The following MYO10 variants were observed in gnomAD, a reference collection of about 807,000 sequenced individuals.
The protein encoded by MYO10 is unconventional myosin-X.
In MYO10, 133 loss-of-function variants were observed where a neutral mutation model predicts 257.3. The observed-to-expected ratio is 0.52, with a 90% CI of 0.45 to 0.60. MYO10 has a LOEUF of 0.60. Ranked by LOEUF, MYO10 falls within the 20% of genes least tolerant of loss-of-function variation. The probability of loss-of-function intolerance (pLI) is 0.00; values close to 1 mark genes in which losing one functional copy is unlikely to be tolerated. For missense variants in MYO10, 2,399 were observed against 2,635.7 expected (o/e 0.91, Z 1.97); for synonymous variants, 1,104 against 1,028.6 (o/e 1.07, Z -1.40).
chr5:16,902,733 C>A lies in MYO10; in HGVS notation c.22-25026G>T. ...GTCAAGCTTGTCTCAAACTCCTGAC[C>A]TCAGGTGATCCACCCGCCTTGGCGT... On this transcript the variant is annotated intron_variant, in intron 1 of 40. Transcript: ENST00000513610. The A allele has an allele frequency of 5.5e-6, 4 of 727,376 alleles. No homozygotes were observed. The South Asian group carries it at 6.2e-5, about 11-fold the overall frequency. The allele number at this position is 727,376 out of a possible 1,614,324, so 45.1% of individuals were successfully genotyped here. A position where few individuals can be genotyped will look rare whatever the true frequency, so the allele number is the denominator to read the frequency against.
In MYO10 at chr5:16,663,161, A is replaced by G. The variant is rs1404989032; in HGVS notation, c.*3531T>C. The stretch of plus-strand genomic sequence containing the variant: ...AAGCTACAACAGTTTGTTTCCATCT[A>G]TTAAAAATGAGGATGGGGATATATA... On this transcript the variant is annotated 3_prime_UTR_variant, in exon 41 of 41. Transcript: ENST00000513610. The G allele has an allele frequency of 6.6e-6, 1 of 152,166 alleles. No individual in the cohort carries two copies. Among genetic ancestry groups the G allele is most frequent in the Non-Finnish European group, 1.5e-5 (1 of 68,032 alleles). 9.4% of individuals were successfully genotyped at this position (152,166 alleles called of 1,614,324 possible).
At chr5:16,827,122 C>T (rs1055841431) in intron 2 of MYO10, among the ~76,000 whole-genome samples, 6 of 152,082 alleles carry the variant, frequency 3.9e-5, no homozygotes, top group Non-Finnish European at 5.9e-5. Flanking sequence ...GGCAAGAAAA[C>T]GTCAAGTCCC....
At position 16,670,699 on chromosome 5, in the gene MYO10, C is replaced by A. The variant is rs773601311; in HGVS notation, c.5710G>T (p.Glu1904Ter). 6.2e-7 allele frequency: 1 copy of A among 1,613,924 alleles called. No homozygotes were observed. Among genetic ancestry groups the A allele is most frequent in the East Asian group, 2.2e-5 (1 of 44,898 alleles). The change falls in exon 39 of 41, where the codon GAG becomes TAG. Residue 1904 changes from glutamate to a stop codon, truncating the protein, a stop_gained. Transcript: ENST00000513610. LOFTEE classifies it high-confidence loss of function. ...CACATGTCCAGCATCTGCTCCTCCT[C>A]GACCTTCTGCCGGACCACGGATCCT... ...RTGSVVRQKV[E>*]EEQMLDMWIK... is the part of the protein sequence containing the mutation.
At chr5:16,828,745 T>A (rs749175759) in intron 2 of MYO10, among the ~76,000 whole-genome samples, 3 of 151,934 alleles carry the variant, frequency 2.0e-5, no homozygotes, top group African/African-American at 2.4e-5. Context: ...TTTGTTTTGT[T>A]TTGTTTTGAG....
chr5:16,842,452 T>A (rs1003443884), intron 2 of MYO10, among the ~76,000 whole-genome samples: 2 of 152,130 alleles, frequency 1.3e-5, no homozygotes, highest in African/African-American at 4.8e-5. Flanking sequence ...GGAAGTCATA[T>A]CCTCACCAGC....
In MYO10 at chr5:16,936,117, G is replaced by A; in HGVS notation, c.-309C>T. The A allele has an allele frequency of 2.4e-6, 1 of 413,502 alleles. No individual in the cohort carries two copies. Among genetic ancestry groups the A allele is most frequent in the African/African-American group, 2.1e-5 (1 of 47,166 alleles). The allele number at this position is 413,502 out of a possible 1,614,324, so 25.6% of individuals were successfully genotyped here. A position where few individuals can be genotyped will look rare whatever the true frequency, so the allele number is the denominator to read the frequency against. ...ACATTCTTCCCCCAGGCGGGGGAAG[G>A]CGGCGGGGTGCTGGCGAGCGCGGCC... is the stretch of plus-strand genomic sequence containing the variant. On this transcript the variant is annotated 5_prime_UTR_variant, in exon 1 of 41. Transcript: ENST00000513610.
At chr5:16,918,877 G>T (rs75540526) in intron 1 of MYO10, among the ~76,000 whole-genome samples, 9,899 of 152,210 alleles carry the variant, frequency 0.065, 358 homozygotes, top group African/African-American at 0.096. Flanking sequence ...TGAGTGTGCA[G>T]TTGCTGTCAT....
At position 16,662,603 on chromosome 5, in the gene MYO10, T is replaced by A. The variant is rs1193343933; in HGVS notation, c.*4089A>T. 1 of 152,102 alleles carries A rather than the reference T, an allele frequency of 6.6e-6. No homozygotes were observed. The highest frequency in any genetic ancestry group is 1.5e-5 in the Non-Finnish European group (1 of 68,060). The allele number at this position is 152,102 out of a possible 1,614,324, so 9.4% of individuals were successfully genotyped here. ...TTCCAACATGCTGGGATTACAGGCG[T>A]GAGCCAGCATGCCTGGCTGAAACTA... On this transcript the variant is annotated 3_prime_UTR_variant, in exon 41 of 41. Transcript: ENST00000513610.
intron 19 of MYO10, among the ~76,000 whole-genome samples, chr5:16,749,304 T>C (rs192745587): frequency 6.6e-6 from 1 of 151,980 alleles, no homozygotes; most frequent in African/African-American, 2.4e-5. Context: ...CTGGCCAACA[T>C]GGTGAAAAGC....
intron 32 of MYO10, 36 bp downstream of exon 32, chr5:16,681,273 T>C: frequency 6.3e-7 from 1 of 1,575,704 alleles, no homozygotes. Context: ...GACTTTAAGA[T>C]TTGATGCTCA....
At chr5:16,908,970 G>C (rs1337525526) in intron 1 of MYO10, among the ~76,000 whole-genome samples, 1 of 152,222 alleles carries the variant, frequency 6.6e-6, no homozygotes, top group Non-Finnish European at 1.5e-5. Context: ...CTGGGAAGAA[G>C]GGAGAATAAG....
At chr5:16,828,938 CTCTTT>C (rs143498855) in intron 2 of MYO10, among the ~76,000 whole-genome samples, 2,060 of 152,222 alleles carry the variant, frequency 0.014, 28 homozygotes, top group Non-Finnish European at 0.018. Flanking sequence ...TTTATTTACT[CTCTTT>C]TAAGTTTCCT....
intron 2 of MYO10, among the ~76,000 whole-genome samples, chr5:16,865,097 G>C (rs1231315885): frequency 6.6e-6 from 1 of 152,114 alleles, no homozygotes; most frequent in South Asian, 2.1e-4. Flanking sequence ...TCATACAGCT[G>C]CAACTGTTTT....
At chr5:16,932,622 G>A (rs375693981) in intron 1 of MYO10, among the ~76,000 whole-genome samples, 2 of 152,094 alleles carry the variant, frequency 1.3e-5, no homozygotes, top group Admixed American at 6.5e-5. Context: ...TCTAATGAAG[G>A]CCATGAAGAA....
chr5:16,885,192 C>CTT (rs57492208), intron 1 of MYO10, among the ~76,000 whole-genome samples: 2,905 of 143,250 alleles, frequency 0.02, 106 homozygotes, highest in African/African-American at 0.07. Context: ...GTCCACTCTG[C>CTT]TTTTTTTTTT....
chr5:16,856,545 G>C (rs1743964841), intron 2 of MYO10, among the ~76,000 whole-genome samples: 1 of 149,912 alleles, frequency 6.7e-6, no homozygotes, highest in South Asian at 2.1e-4. Flanking sequence ...GTGAGACTGT[G>C]TCTCAAAAAA....
At chr5:16,837,474 G>A (rs1743349034) in intron 2 of MYO10, among the ~76,000 whole-genome samples, 2 of 152,132 alleles carry the variant, frequency 1.3e-5, no homozygotes, top group Admixed American at 1.3e-4. Flanking sequence ...GTTAGGAGGA[G>A]GGTTATAGGG....
chr5:16,679,061 C>T (rs1330019836), intron 33 of MYO10, among the ~76,000 whole-genome samples: 1 of 152,220 alleles, frequency 6.6e-6, no homozygotes. Context: ...TGAGCGACTA[C>T]ACGTACTTAT....
intron 19 of MYO10, among the ~76,000 whole-genome samples, chr5:16,715,310 G>A (rs548114130): frequency 5.3e-5 from 8 of 150,170 alleles, no homozygotes; most frequent in South Asian, 4.2e-4. Context: ...ACATATATGC[G>A]TATAAATGTA....
Sources: gnomAD v4.1 joint callset for allele counts (sites outside exome capture counted in the v4.1 genomes callset) on GRCh38, gnomAD v4.1.1 for gene constraint, MANE v1.5 for transcripts, NCBI Gene and HGNC (gene_info 2026-07-23, HGNC 2026-07-21) for gene names.